The following KCNMA1 variants were observed in gnomAD, a reference collection of about 807,000 sequenced individuals.
KCNMA1 encodes Calcium-activated potassium channel subunit alpha-1.
Under a neutral mutation model 140.0 loss-of-function variants are expected in KCNMA1, and 29 were observed. The observed-to-expected ratio is 0.21, with a 90% CI of 0.15 to 0.28. The LOEUF (loss-of-function observed/expected upper bound fraction) is 0.28, where lower values mean the gene tolerates loss of function less well. Among genes scored for constraint, KCNMA1 ranks in the 10% least tolerant of loss-of-function variants. The pLI, the probability that KCNMA1 is intolerant of heterozygous loss-of-function variation, is 1.00. For synonymous variants in KCNMA1, 612 were observed against 611.9 expected (o/e 1.00, Z 0.00); for missense variants, 880 against 1,602.2 (o/e 0.55, Z 7.70).
rs1405359990 is a variant in KCNMA1 at position 77,354,057 on chromosome 10, G to A, written c.540+49805C>T. 3.3e-5 allele frequency among the ~76,000 whole-genome samples: 5 copies of A among 150,878 alleles called. No homozygotes were observed. The East Asian group carries it at 7.8e-4, about 24-fold the overall frequency. On this transcript the variant is annotated intron_variant, in intron 2 of 27. Transcript: ENST00000286628. Reference sequence around the variant, plus strand: ...GAGTTCAGTGAGTGGTGCAATCTCGGCTAACTGCAACCTCCGCCTCCTGGG... The same window carrying A: ...GAGTTCAGTGAGTGGTGCAATCTCGACTAACTGCAACCTCCGCCTCCTGGG...
chr10:77,482,334 C>T (rs1866587), intron 1 of KCNMA1, among the ~76,000 whole-genome samples: 32,845 of 152,074 alleles, frequency 0.22, 3,933 homozygotes, highest in East Asian at 0.52. Context: ...AGGTTACAGA[C>T]ACTTTGTAAG....
intron 5 of KCNMA1, among the ~76,000 whole-genome samples, chr10:77,153,026 T>G (rs74639530): frequency 0.026 from 3,964 of 152,248 alleles, 175 homozygotes; most frequent in African/African-American, 0.089. Context: ...CTCAAGGGCA[T>G]CTTGAGACCT....
chr10:77,112,352 T>C lies in KCNMA1; in HGVS notation c.960+15A>G. On this transcript the variant is annotated intron_variant, in intron 7 of 27. Transcript: ENST00000286628. ...GCAGGCAAGCGAGAGCAGAAGGGTC[T>C]TCAAGGTTACTCACCAAATGGATGA... The C allele has an allele frequency of 6.2e-7, 1 of 1,603,104 alleles. No homozygotes were observed. Among genetic ancestry groups the C allele is most frequent in the Non-Finnish European group, 8.5e-7 (1 of 1,169,930 alleles).
At chr10:77,217,394 C>A in intron 3 of KCNMA1, 1 of 387,696 alleles carries the variant, frequency 2.6e-6, no homozygotes, top group Non-Finnish European at 5.4e-6. Context: ...AGATGCCCAT[C>A]AATCCCATCA....
At chr10:77,113,924 C>T (rs907697615) in intron 6 of KCNMA1, among the ~76,000 whole-genome samples, 22 of 152,176 alleles carry the variant, frequency 1.4e-4, no homozygotes, top group African/African-American at 4.3e-4. Context: ...TAGCAATAGT[C>T]CTCATGTTGT....
chr10:76,953,213 A>G (rs1297312793), intron 21 of KCNMA1, among the ~76,000 whole-genome samples: 2 of 152,334 alleles, frequency 1.3e-5, no homozygotes, highest in East Asian at 3.9e-4. Context: ...TGTCTACAAC[A>G]TGCACTAAGA....
At chr10:76,952,090 T>C (rs995049708) in intron 21 of KCNMA1, 1 of 1,552,308 alleles carries the variant, frequency 6.4e-7, no homozygotes, top group Non-Finnish European at 8.7e-7. Context: ...TCAGTTGGCA[T>C]GCATACTACA....
intron 1 of KCNMA1, among the ~76,000 whole-genome samples, chr10:77,632,132 C>T (rs148840292): frequency 6.6e-6 from 1 of 152,278 alleles, no homozygotes; most frequent in East Asian, 1.9e-4. Flanking sequence ...ACTTTCTCTA[C>T]CAGCAGGATG....
chr10:77,575,169 C>G (rs545696761), intron 1 of KCNMA1, among the ~76,000 whole-genome samples: 1 of 152,132 alleles, frequency 6.6e-6, no homozygotes, highest in Non-Finnish European at 1.5e-5. Context: ...CAGAACGAGC[C>G]GGCCAGCTCC....
chr10:76,906,111 G>A (rs1337079894), intron 25 of KCNMA1, among the ~76,000 whole-genome samples: 1 of 152,162 alleles, frequency 6.6e-6, no homozygotes, highest in Non-Finnish European at 1.5e-5. Context: ...AGCAGTTCTG[G>A]AATCCAGATC....
At chr10:77,127,830 CA>C (rs2097775070) in intron 5 of KCNMA1, among the ~76,000 whole-genome samples, 1 of 151,932 alleles carries the variant, frequency 6.6e-6, no homozygotes, top group African/African-American at 2.4e-5. Context: ...AAAAATTAAC[CA>C]AGTGTGGTGG....
intron 1 of KCNMA1, among the ~76,000 whole-genome samples, chr10:77,609,320 T>C (rs1237951854): frequency 6.6e-6 from 1 of 152,144 alleles, no homozygotes; most frequent in Non-Finnish European, 1.5e-5. Context: ...TAGAGGACAG[T>C]ATGTTAAGTG....
chr10:77,605,771 A>T (rs978067997), intron 1 of KCNMA1, among the ~76,000 whole-genome samples: 3 of 152,224 alleles, frequency 2.0e-5, no homozygotes, highest in African/African-American at 2.4e-5. Context: ...GATACATGGC[A>T]ATGACAACAG....
intron 14 of KCNMA1, among the ~76,000 whole-genome samples, chr10:77,062,993 T>C (rs569422043): frequency 6.6e-6 from 1 of 152,206 alleles, no homozygotes; most frequent in African/African-American, 2.4e-5. Context: ...GCTATGGTGA[T>C]GGGTCCTGTG....
At chr10:77,315,886 C>T (rs558942430) in intron 2 of KCNMA1, among the ~76,000 whole-genome samples, 1 of 152,156 alleles carries the variant, frequency 6.6e-6, no homozygotes, top group African/African-American at 2.4e-5. Flanking sequence ...ACCACATAAT[C>T]ATTCTAGACT....
intron 1 of KCNMA1, chr10:77,493,656 G>C (rs1004381150): frequency 1.3e-5 from 2 of 152,326 alleles, no homozygotes; most frequent in Non-Finnish European, 2.9e-5. Context: ...TGCACTGGGT[G>C]GGGAGTGTGT....
At chr10:77,279,714 G>A (rs1320874252) in intron 2 of KCNMA1, among the ~76,000 whole-genome samples, 1 of 152,088 alleles carries the variant, frequency 6.6e-6, no homozygotes, top group East Asian at 1.9e-4. Context: ...ACATGTCATG[G>A]GAGGAACCCA....
intron 2 of KCNMA1, among the ~76,000 whole-genome samples, chr10:77,283,409 G>A (rs1340420850): frequency 6.6e-6 from 1 of 152,216 alleles, no homozygotes; most frequent in Non-Finnish European, 1.5e-5. Context: ...TGCAGCTTCA[G>A]GAGAAACACC....
chr10:77,417,069 G>A (rs1225143148), intron 1 of KCNMA1, among the ~76,000 whole-genome samples: 1 of 152,092 alleles, frequency 6.6e-6, no homozygotes, highest in African/African-American at 2.4e-5. Context: ...CTCCGTGCTG[G>A]CTGTTCCCAC....
Sources: gnomAD v4.1 joint callset for allele counts (sites outside exome capture counted in the v4.1 genomes callset) on GRCh38, gnomAD v4.1.1 for gene constraint, MANE v1.5 for transcripts, NCBI Gene and HGNC (gene_info 2026-07-23, HGNC 2026-07-21) for gene names.